Variants in LRRC69 observed in about 807,000 individuals in gnomAD.
LRRC69 encodes leucine-rich repeat-containing protein 69.
In LRRC69, 42 loss-of-function variants were observed where a neutral mutation model predicts 37.8. That is an observed-to-expected ratio of 1.11 (90% CI 0.87 to 1.44). LRRC69 has a LOEUF of 1.44. LRRC69 is among the 40% of genes most tolerant of loss of function. The pLI, the probability that LRRC69 is intolerant of heterozygous loss-of-function variation, is 0.00. For missense variants in LRRC69, 357 were observed against 401.9 expected, an observed-to-expected ratio of 0.89 and a Z score of 0.96; for synonymous variants, 141 against 143.1, an observed-to-expected ratio of 0.99 and a Z score of 0.11.
chr8:91,210,576 C>G (rs1392881429), intron 7 of LRRC69, among the ~76,000 whole-genome samples: 1 of 143,504 alleles, frequency 7.0e-6, no homozygotes, highest in African/African-American at 2.9e-5. Context: ...CACACACACA[C>G]ACACACACAC....
chr8:91,141,406 G>A (rs1808531248), intron 5 of LRRC69, among the ~76,000 whole-genome samples: 1 of 152,022 alleles, frequency 6.6e-6, no homozygotes, highest in South Asian at 2.1e-4. Context: ...CACATTCTGA[G>A]GTTCAGGGTG....
intron 6 of LRRC69, among the ~76,000 whole-genome samples, chr8:91,190,656 A>G (rs1391375711): frequency 6.6e-5 from 10 of 152,288 alleles, no homozygotes; most frequent in African/African-American, 2.2e-4. Context: ...TTTTTTGATG[A>G]ATACATGGTA....
At chr8:91,171,116 C>A (rs1457661104) in intron 5 of LRRC69, among the ~76,000 whole-genome samples, 10 of 151,906 alleles carry the variant, frequency 6.6e-5, no homozygotes, top group Admixed American at 6.6e-4. Context: ...ATAGTCAATT[C>A]TGAGGCTCTA....
intron 5 of LRRC69, among the ~76,000 whole-genome samples, chr8:91,162,448 A>G (rs1808961598): frequency 6.6e-6 from 1 of 151,444 alleles, no homozygotes; most frequent in African/African-American, 2.4e-5. Flanking sequence ...TTGGGTGCAT[A>G]TACATTTACA....
intron 5 of LRRC69, among the ~76,000 whole-genome samples, chr8:91,161,943 G>A (rs1012757621): frequency 6.6e-6 from 1 of 151,318 alleles, no homozygotes; most frequent in African/African-American, 2.4e-5. Context: ...AATAGGTTTT[G>A]GTATGCAGTG....
chr8:91,108,376 C>T (rs892630443), intron 1 of LRRC69, among the ~76,000 whole-genome samples: 2 of 152,026 alleles, frequency 1.3e-5, no homozygotes, highest in African/African-American at 2.4e-5. Context: ...CAAAAAGGAA[C>T]AAAATCATTC....
chr8:91,133,217 A>G (rs929216518), exon 4 of LRRC69: 1 of 1,543,054 alleles, frequency 6.5e-7, no homozygotes, highest in Non-Finnish European at 8.7e-7. Flanking sequence ...AACTACAATC[A>G]GCTGATATGC....
chr8:91,214,363 A>G (rs968484204), intron 7 of LRRC69, among the ~76,000 whole-genome samples: 1 of 152,180 alleles, frequency 6.6e-6, no homozygotes. Flanking sequence ...AGTTGGAGAC[A>G]GACTGGCATG....
At chr8:91,190,143 T>TA (rs1291982609) in intron 6 of LRRC69, among the ~76,000 whole-genome samples, 1 of 152,232 alleles carries the variant, frequency 6.6e-6, no homozygotes, top group Non-Finnish European at 1.5e-5. Context: ...ATCAAGAATT[T>TA]AGATTTCTGA....
At chr8:91,161,156 T>TGGTGTGTA (rs1213773730) in intron 5 of LRRC69, among the ~76,000 whole-genome samples, 5 of 151,470 alleles carry the variant, frequency 3.3e-5, no homozygotes, top group African/African-American at 9.7e-5. Flanking sequence ...CACTTGATCA[T>TGGTGTGTA]GGTGTGTAAT....
At chr8:91,143,396 T>G (rs1235067327) in intron 5 of LRRC69, among the ~76,000 whole-genome samples, 1 of 152,048 alleles carries the variant, frequency 6.6e-6, no homozygotes, top group Non-Finnish European at 1.5e-5. Context: ...ACTTAAGAAA[T>G]GTGCTTAAAA....
intron 6 of LRRC69, among the ~76,000 whole-genome samples, chr8:91,190,904 A>G (rs1306114101): frequency 6.6e-6 from 1 of 151,858 alleles, no homozygotes; most frequent in Admixed American, 6.6e-5. Context: ...AATTTTAAAA[A>G]CCTTAGCCAG....
chr8:91,179,488 T>C (rs550031732), intron 5 of LRRC69, among the ~76,000 whole-genome samples: 25 of 152,270 alleles, frequency 1.6e-4, no homozygotes, highest in Admixed American at 9.8e-4. Context: ...ACCTCCAACA[T>C]TGGAGATTAC....
chr8:91,186,066 T>G (rs193208867), intron 5 of LRRC69, among the ~76,000 whole-genome samples: 1 of 152,304 alleles, frequency 6.6e-6, no homozygotes, highest in East Asian at 1.9e-4. Context: ...GGAACAATTA[T>G]AAAAATTTAC....
chr8:91,210,079 A>G (rs1394607418), intron 7 of LRRC69, among the ~76,000 whole-genome samples: 1 of 152,212 alleles, frequency 6.6e-6, no homozygotes, highest in African/African-American at 2.4e-5. Flanking sequence ...GACAGAACCA[A>G]CAACGACTTT....
chr8:91,126,111 AAGT>A (rs1448886421), intron 2 of LRRC69, among the ~76,000 whole-genome samples: 1 of 151,930 alleles, frequency 6.6e-6, no homozygotes, highest in African/African-American at 2.4e-5. Context: ...TCAAGGTCAG[AAGT>A]AGTTTGATGT....
intron 7 of LRRC69, among the ~76,000 whole-genome samples, chr8:91,201,081 A>T (rs1279209285): frequency 6.6e-6 from 1 of 152,232 alleles, no homozygotes; most frequent in Non-Finnish European, 1.5e-5. Flanking sequence ...AATATTAATA[A>T]TAAAACCAGA....
chr8:91,173,662 G>A, intron 5 of LRRC69, among the ~76,000 whole-genome samples: 1 of 152,078 alleles, frequency 6.6e-6, no homozygotes, highest in East Asian at 1.9e-4. Context: ...TAAACAACAG[G>A]AATTGTTTAT....
In LRRC69 at chr8:91,200,811, G is replaced by A. The variant is rs1306497892; in HGVS notation, c.933+19G>A. On this transcript the variant is annotated intron_variant, in intron 7 of 7. Coordinates refer to ENST00000448384, the Ensembl canonical transcript of LRRC69. ...ACCAAAGGTAAATGATGCTTTTTAT[G>A]CGAATATGAGCATAATACTGATTCC... 1 of 1,519,216 alleles carries A rather than the reference G, an allele frequency of 6.6e-7. No individual in the cohort carries two copies. Among genetic ancestry groups the A allele is most frequent in the Non-Finnish European group, 8.8e-7 (1 of 1,133,598 alleles). 94.1% of individuals were successfully genotyped at this position (1,519,216 alleles called of 1,614,324 possible).
Sources: allele counts gnomAD v4.1 joint callset (sites outside exome capture counted in the v4.1 genomes callset), GRCh38; gene constraint gnomAD v4.1.1; transcripts MANE v1.5; gene names NCBI Gene and HGNC (gene_info 2026-07-23, HGNC 2026-07-21).